The following PARD3B variants were observed in gnomAD, a reference collection of about 807,000 sequenced individuals.
The protein encoded by PARD3B is par-3 family cell polarity regulator beta, also known as partitioning defective 3 homolog B.
PARD3B carries 103 observed loss-of-function variants against 130.2 expected under a neutral mutation model. That is an observed-to-expected ratio of 0.79 (90% CI 0.67 to 0.93). PARD3B has a LOEUF of 0.93. PARD3B is among the 40% of genes least tolerant of loss of function. The probability of loss-of-function intolerance (pLI) is 0.00; values close to 1 mark genes in which losing one functional copy is unlikely to be tolerated. For synonymous variants in PARD3B, 583 were observed against 553.2 expected (o/e 1.05, Z -0.76); for missense variants, 1,609 against 1,499.2 (o/e 1.07, Z -1.21).
intron 2 of PARD3B, among the ~76,000 whole-genome samples, chr2:204,903,194 G>T (rs1441002220): frequency 2.0e-5 from 3 of 152,152 alleles, no homozygotes; most frequent in Non-Finnish European, 2.9e-5. Context: ...ACCTTGTAGG[G>T]CAGAAAACAT....
At chr2:205,296,528 C>G (rs1300750769) in intron 16 of PARD3B, among the ~76,000 whole-genome samples, 1 of 152,124 alleles carries the variant, frequency 6.6e-6, no homozygotes, top group Non-Finnish European at 1.5e-5. Flanking sequence ...TCTTAAGAAT[C>G]AGTTTCATAG....
intron 22 of PARD3B, among the ~76,000 whole-genome samples, chr2:205,598,822 C>A (rs2054668976): frequency 6.6e-6 from 1 of 152,160 alleles, no homozygotes; most frequent in Non-Finnish European, 1.5e-5. Flanking sequence ...TCTGTCAAAA[C>A]CACACAATTA....
intron 1 of PARD3B, among the ~76,000 whole-genome samples, chr2:204,684,317 A>T (rs1428500380): frequency 6.6e-6 from 1 of 152,208 alleles, no homozygotes; most frequent in Non-Finnish European, 1.5e-5. Context: ...TTTTATAAAC[A>T]TGGTTAAAAT....
At chr2:204,630,912 C>T (rs1399315073) in intron 1 of PARD3B, among the ~76,000 whole-genome samples, 1 of 151,950 alleles carries the variant, frequency 6.6e-6, no homozygotes, top group Non-Finnish European at 1.5e-5. Flanking sequence ...AAACCAGCTC[C>T]TAGATATGTT....
At chr2:204,922,206 A>G (rs550905086) in intron 2 of PARD3B, among the ~76,000 whole-genome samples, 1 of 152,150 alleles carries the variant, frequency 6.6e-6, no homozygotes, top group African/African-American at 2.4e-5. Context: ...AATAGAAATC[A>G]TGGGAATGGT....
chr2:204,599,280 C>T (rs1431270797), intron 1 of PARD3B, among the ~76,000 whole-genome samples: 1 of 151,880 alleles, frequency 6.6e-6, no homozygotes, highest in Admixed American at 6.6e-5. Context: ...AACACTAGGA[C>T]TTACTCTTCC....
At chr2:205,383,083 C>CATGG (rs1238804964) in intron 18 of PARD3B, among the ~76,000 whole-genome samples, 159 of 78,576 alleles carry the variant, frequency 2.0e-3, no homozygotes, top group Non-Finnish European at 4.5e-3. Flanking sequence ...GGAAAGTTTA[C>CATGG]ATAGATAGAT....
intron 18 of PARD3B, among the ~76,000 whole-genome samples, chr2:205,343,473 G>A (rs553269830): frequency 5.3e-5 from 8 of 152,176 alleles, no homozygotes; most frequent in African/African-American, 9.7e-5. Context: ...CTTCAAACAC[G>A]TAACTTCAGA....
chr2:205,018,581 G>A lies in PARD3B; in HGVS notation c.395-29000G>A, dbSNP rs903688167. On this transcript the variant is annotated intron_variant, in intron 3 of 22. Transcript: ENST00000406610. ...GATTTCAAATGCTTTTTTAAAGTGT[G>A]ATGAAAATAACTCATGCACTTAAAT... Among the ~76,000 whole-genome samples the A allele has an allele frequency of 9.9e-5, 15 of 152,046 alleles. 1 individual carries two copies. The highest frequency in any genetic ancestry group is 3.6e-4 in the African/African-American group (15 of 41,500).
At chr2:205,104,559 G>T (rs1248685398) in intron 5 of PARD3B, 45 bp downstream of exon 5, 1 of 1,293,162 alleles carries the variant, frequency 7.7e-7, no homozygotes, top group Admixed American at 1.7e-5. Flanking sequence ...ATTTCAATTT[G>T]ATGTGTTTTT....
chr2:205,323,802 A>G (rs1331451609), intron 18 of PARD3B, among the ~76,000 whole-genome samples: 2 of 152,206 alleles, frequency 1.3e-5, no homozygotes, highest in East Asian at 1.9e-4. Flanking sequence ...TGGTTTGGAG[A>G]TAAGTGCAGT....
intron 4 of PARD3B, among the ~76,000 whole-genome samples, chr2:205,083,096 T>G (rs988970313): frequency 1.3e-5 from 2 of 151,940 alleles, no homozygotes; most frequent in African/African-American, 2.4e-5. Context: ...ATTTTTTGTA[T>G]TTTTAGTAGA....
intron 19 of PARD3B, among the ~76,000 whole-genome samples, chr2:205,427,376 C>T (rs947848597): frequency 1.3e-5 from 2 of 152,158 alleles, no homozygotes; most frequent in Admixed American, 6.6e-5. Context: ...TTCGCAAATG[C>T]ATGACTCGTT....
chr2:204,711,964 C>T (rs1452311490), intron 2 of PARD3B, among the ~76,000 whole-genome samples: 1 of 152,156 alleles, frequency 6.6e-6, no homozygotes, highest in African/African-American at 2.4e-5. Flanking sequence ...GGCAGTCTGA[C>T]TTTGGAATCC....
At chr2:205,004,541 A>C (rs1026691285) in intron 3 of PARD3B, among the ~76,000 whole-genome samples, 2 of 152,208 alleles carry the variant, frequency 1.3e-5, no homozygotes, top group African/African-American at 4.8e-5. Flanking sequence ...TTGCATCGCT[A>C]TTCTGAGAAC....
intron 21 of PARD3B, among the ~76,000 whole-genome samples, chr2:205,542,711 C>T (rs1316738949): frequency 2.0e-5 from 3 of 152,162 alleles, no homozygotes; most frequent in African/African-American, 7.2e-5. Flanking sequence ...CGGTTCCTCT[C>T]CTAGTCCACT....
chr2:205,560,406 A>G (rs1006745841), intron 22 of PARD3B, among the ~76,000 whole-genome samples: 1 of 152,224 alleles, frequency 6.6e-6, no homozygotes, highest in African/African-American at 2.4e-5. Context: ...TTTGTTTGAA[A>G]TATGAACAGT....
At chr2:204,918,695 A>T (rs1456333311) in intron 2 of PARD3B, among the ~76,000 whole-genome samples, 1 of 152,054 alleles carries the variant, frequency 6.6e-6, no homozygotes, top group Non-Finnish European at 1.5e-5. Context: ...AAATTTGCAA[A>T]GGTTATAGAA....
At chr2:204,867,388 A>G (rs1171725835) in intron 2 of PARD3B, among the ~76,000 whole-genome samples, 1 of 152,178 alleles carries the variant, frequency 6.6e-6, no homozygotes, top group Non-Finnish European at 1.5e-5. Flanking sequence ...ATATTTCTGC[A>G]TTGTTGTGTC....
Sources: gnomAD v4.1 joint callset for allele counts (sites outside exome capture counted in the v4.1 genomes callset) on GRCh38, gnomAD v4.1.1 for gene constraint, MANE v1.5 for transcripts, NCBI Gene and HGNC (gene_info 2026-07-23, HGNC 2026-07-21) for gene names.